The following CUL2 variants were observed in gnomAD, a reference collection of about 807,000 sequenced individuals.
CUL2 encodes the protein cullin 2, also known as cullin-2.
A neutral mutation model predicts 110.2 loss-of-function variants in CUL2; 22 were observed. That is an observed-to-expected ratio of 0.20 (90% CI 0.14 to 0.28). CUL2 has a LOEUF of 0.28. Ranked by LOEUF, CUL2 falls within the 10% of genes least tolerant of loss-of-function variation. CUL2 has a pLI of 1.00. For missense variants in CUL2, 631 were observed against 905.5 expected (o/e 0.70, Z 3.89); for synonymous variants, 279 against 293.2 (o/e 0.95, Z 0.49).
chr10:35,089,044 G>A (rs1316378326), intron 1 of CUL2, among the ~76,000 whole-genome samples: 3 of 152,158 alleles, frequency 2.0e-5, no homozygotes, highest in African/African-American at 4.8e-5. Flanking sequence ...GCATGGTGGC[G>A]CATGCCAGTA....
chr10:35,094,243 T>C (rs1263956699), upstream of CUL2, among the ~76,000 whole-genome samples: 1 of 152,156 alleles, frequency 6.6e-6, no homozygotes, highest in Non-Finnish European at 1.5e-5. Flanking sequence ...CGATAATTTT[T>C]TTTTTTTTTG....
intron 1 of CUL2, among the ~76,000 whole-genome samples, chr10:35,101,340 G>A (rs2087374847): frequency 6.6e-6 from 1 of 152,154 alleles, no homozygotes; most frequent in Non-Finnish European, 1.5e-5. Flanking sequence ...TGGAGACAAC[G>A]GGTCTACCAT....
chr10:35,098,919 G>A (rs1363434540), intron 2 of CUL2, among the ~76,000 whole-genome samples: 3 of 151,882 alleles, frequency 2.0e-5, no homozygotes, highest in Non-Finnish European at 4.4e-5. Flanking sequence ...GGGCAACAAA[G>A]CAAGACTCTG....
At chr10:35,023,226 G>A (rs2085247935) in intron 17 of CUL2, among the ~76,000 whole-genome samples, 1 of 152,068 alleles carries the variant, frequency 6.6e-6, no homozygotes, top group African/African-American at 2.4e-5. Context: ...CAATTTTTAT[G>A]TGTCAATTGT....
At chr10:35,022,967 C>T (rs556436997) in intron 17 of CUL2, among the ~76,000 whole-genome samples, 69 of 152,094 alleles carry the variant, frequency 4.5e-4, no homozygotes, top group Non-Finnish European at 7.8e-4. Context: ...ATCACTTGAA[C>T]CCAGAAGGTG....
chr10:35,044,459 G>A, intron 8 of CUL2, 107 bp downstream of exon 8: 1 of 647,534 alleles, frequency 1.5e-6, no homozygotes, highest in Non-Finnish European at 2.5e-6. Flanking sequence ...TAAATAAACA[G>A]AATATTTTTC....
Position 35,008,554 on chromosome 10 carries a change from A to G in CUL2, c.*1757T>C, listed in dbSNP as rs2084816869. The G allele has an allele frequency of 6.6e-6, 1 of 152,244 alleles. No homozygotes were observed. Among genetic ancestry groups the G allele is most frequent in the Admixed American group, 6.5e-5 (1 of 15,282 alleles). The allele number at this position is 152,244 out of a possible 1,614,324, so 9.4% of individuals were successfully genotyped here. On this transcript the variant is annotated 3_prime_UTR_variant, in exon 21 of 21. Coordinates refer to ENST00000374749, the MANE Select transcript of CUL2 (RefSeq NM_003591.4). Reference sequence around the variant, plus strand: ...AAATATTTAAGAAAAAAAGGAATCAATTTGGAAAACTTTTATCAATCAACA... The same window carrying G: ...AAATATTTAAGAAAAAAAGGAATCAGTTTGGAAAACTTTTATCAATCAACA...
intron 20 of CUL2, 91 bp from the exon 21 acceptor site, chr10:35,010,533 T>C (rs1186615435): frequency 1.6e-6 from 2 of 1,284,446 alleles, no homozygotes; most frequent in East Asian, 5.7e-5. Flanking sequence ...GCCTCAAATG[T>C]ACTGAGGTTT....
Position 35,016,401 on chromosome 10 carries a change from T to A in CUL2, c.1685-7A>T, listed in dbSNP as rs778102722. ...TAGTTCATTTTAACTTCACCTACAATTAAAACAAAAACTGACAGTGAATTG... is the reference window on the plus strand; with the variant it reads ...TAGTTCATTTTAACTTCACCTACAAATAAAACAAAAACTGACAGTGAATTG... On this transcript the variant is annotated splice_polypyrimidine_tract_variant and splice_region_variant and intron_variant, in intron 17 of 20. Coordinates refer to ENST00000374749, the MANE Select transcript of CUL2 (RefSeq NM_003591.4). 6.3e-7 allele frequency: 1 copy of A among 1,584,932 alleles called. No individual in the cohort carries two copies. The highest frequency in any genetic ancestry group is 1.7e-5 in the Admixed American group (1 of 57,268).
intron 2 of CUL2, among the ~76,000 whole-genome samples, chr10:35,063,509 T>C (rs1318378740): frequency 2.6e-5 from 4 of 152,152 alleles, no homozygotes; most frequent in Admixed American, 6.5e-5. Flanking sequence ...TAAACAAAAA[T>C]TATTCATTTG....
In CUL2 at chr10:35,044,805, A is replaced by T. The variant is rs1297449430; in HGVS notation, c.570T>A (p.His190Gln). 1 of 1,613,278 alleles carries T rather than the reference A, an allele frequency of 6.2e-7. No individual in the cohort carries two copies. Among genetic ancestry groups the T allele is most frequent in the Non-Finnish European group, 8.5e-7 (1 of 1,179,560 alleles). ...GGAATTTTTTCTTATACTGTTCAAC[A>T]TGAACAAAGGAGTTAATAACCCCAT... Reference protein sequence around the residue: ...VIHGVINSFVHVEQYKKKFPL... With the variant: ...VIHGVINSFVQVEQYKKKFPL... The change falls in exon 7 of 21, where the codon CAT becomes CAA. Residue 190 changes from histidine to glutamine, a missense_variant. Coordinates refer to ENST00000374749, the MANE Select transcript of CUL2 (RefSeq NM_003591.4).
intron 19 of CUL2, 104 bp downstream of exon 19, chr10:35,013,594 TA>T: frequency 1.5e-6 from 1 of 682,528 alleles, no homozygotes; most frequent in Non-Finnish European, 2.4e-6. Context: ...ATCCCATTAT[TA>T]ATTTTGCTGT....
chr10:35,021,823 A>C (rs1388905728), intron 17 of CUL2, among the ~76,000 whole-genome samples: 1 of 93,784 alleles, frequency 1.1e-5, no homozygotes, highest in South Asian at 4.8e-4. Context: ...AGGTGGGGTG[A>C]GGTGAGGCGA....
intron 17 of CUL2, among the ~76,000 whole-genome samples, chr10:35,018,866 C>T (rs2085114258): frequency 6.6e-6 from 1 of 151,456 alleles, no homozygotes; most frequent in East Asian, 1.9e-4. Context: ...TATGCCTTGA[C>T]ATTTCAGATA....
chr10:35,025,235 C>T (rs773312131), intron 16 of CUL2, 37 bp from the exon 17 acceptor site: 32 of 1,535,008 alleles, frequency 2.1e-5, no homozygotes, highest in Middle Eastern at 1.8e-4. Context: ...TTATTTTTAG[C>T]TACTATAACT....
intron 6 of CUL2, among the ~76,000 whole-genome samples, chr10:35,047,905 C>CAA (rs112275238): frequency 6.5e-4 from 89 of 136,078 alleles, no homozygotes; most frequent in African/African-American, 2.1e-3. Context: ...AATCCTGTCT[C>CAA]AAAAAAAAAA....
At chr10:35,069,492 A>C (rs1231635194) in intron 2 of CUL2, among the ~76,000 whole-genome samples, 1 of 151,918 alleles carries the variant, frequency 6.6e-6, no homozygotes, top group Non-Finnish European at 1.5e-5. Flanking sequence ...AGTGAGCTAT[A>C]GTCACACCAC....
intron 1 of CUL2, among the ~76,000 whole-genome samples, chr10:35,113,361 A>G (rs1303939487): frequency 6.7e-6 from 1 of 150,140 alleles, no homozygotes; most frequent in Non-Finnish European, 1.5e-5. Context: ...AGCCAGGCGT[A>G]GTGGTATGTG....
chr10:35,051,051 C>A (rs1442059512), intron 5 of CUL2, among the ~76,000 whole-genome samples: 2 of 152,232 alleles, frequency 1.3e-5, no homozygotes, highest in Admixed American at 1.3e-4. Context: ...CACAGTGGCT[C>A]ACGCCTGTAA....
Sources: allele counts gnomAD v4.1 joint callset (sites outside exome capture counted in the v4.1 genomes callset), GRCh38; gene constraint gnomAD v4.1.1; transcripts MANE v1.5; gene names NCBI Gene and HGNC (gene_info 2026-07-23, HGNC 2026-07-21).